EYA1: variants seen among roughly 807,000 people sequenced by gnomAD.
EYA1 encodes EYA transcriptional coactivator and phosphatase 1.
A neutral mutation model predicts 82.0 loss-of-function variants in EYA1; 16 were observed. That is an observed-to-expected ratio of 0.20 (90% CI 0.13 to 0.30). EYA1 has a LOEUF of 0.30. Ranked by LOEUF, EYA1 falls within the 10% of genes least tolerant of loss-of-function variation. EYA1 has a pLI of 1.00. For synonymous variants in EYA1, 261 were observed against 264.4 expected (o/e 0.99, Z 0.12); for missense variants, 633 against 730.7 (o/e 0.87, Z 1.54).
At chr8:71,331,245 T>TACACACACACAC (rs147776263) in intron 4 of EYA1, among the ~76,000 whole-genome samples, 1 of 136,470 alleles carries the variant, frequency 7.3e-6, no homozygotes, top group African/African-American at 2.8e-5. Flanking sequence ...AATAAATAAA[T>TACACACACACAC]ACACACACAC....
At chr8:71,225,340 T>C (rs1426279658) in intron 12 of EYA1, 1 of 456,110 alleles carries the variant, frequency 2.2e-6, no homozygotes, top group Non-Finnish European at 4.4e-6. Flanking sequence ...TTGTAGCCTC[T>C]CCACACTGGC....
chr8:71,453,532 T>G (rs1807586207), intron 2 of EYA1, among the ~76,000 whole-genome samples: 1 of 152,182 alleles, frequency 6.6e-6, no homozygotes, highest in African/African-American at 2.4e-5. Context: ...AAGGTAGGAT[T>G]ACCCACGAAG....
intron 2 of EYA1, among the ~76,000 whole-genome samples, chr8:71,371,069 T>A (rs565044022): frequency 1.1e-4 from 17 of 152,130 alleles, no homozygotes; most frequent in African/African-American, 3.9e-4. Context: ...ACTCCTCCCA[T>A]CCCCAACATT....
intron 2 of EYA1, among the ~76,000 whole-genome samples, chr8:71,390,216 A>C (rs554340321): frequency 6.6e-6 from 1 of 151,842 alleles, no homozygotes; most frequent in African/African-American, 2.4e-5. Context: ...AATTCTCTTA[A>C]AGCTTTGGAA....
At position 71,321,867 on chromosome 8, in the gene EYA1, T is replaced by C; in HGVS notation, c.285A>G (p.Pro95=). 6.2e-7 allele frequency: 1 copy of C among 1,614,234 alleles called. No individual in the cohort carries two copies. The change falls in exon 6 of 18, where the codon CCA becomes CCG. Residue 95 remains proline (P), a synonymous_variant. Transcript: ENST00000340726. ...GTGAGGAAGGGGTAGGGAGAATATG[T>C]GGGTATGGTCTGCTATTTGTCAGAA... The part of the protein sequence containing the change: ...PQIYPSNRPY[P]HILPTPSSQT...
chr8:71,470,461 G>A (rs1333451884), intron 2 of EYA1, among the ~76,000 whole-genome samples: 1 of 152,014 alleles, frequency 6.6e-6, no homozygotes, highest in Non-Finnish European at 1.5e-5. Context: ...AAGAACCTGA[G>A]TTTCTTTTTC....
intron 2 of EYA1, among the ~76,000 whole-genome samples, chr8:71,497,807 C>T (rs1772851375): frequency 6.6e-6 from 1 of 152,122 alleles, no homozygotes; most frequent in Admixed American, 6.5e-5. Context: ...GTTATAAAAT[C>T]AACCTTAAAG....
At chr8:71,362,155 CTTTTTTT>C (rs35320129), upstream of EYA1, 58 of 824,596 alleles carry the variant, frequency 7.0e-5, no homozygotes, top group South Asian at 2.4e-4. Flanking sequence ...TCGGGGCTTT[CTTTTTTT>C]TTTTTTTTTT....
At chr8:71,287,001 C>T (rs921780110) in intron 9 of EYA1, among the ~76,000 whole-genome samples, 1 of 151,914 alleles carries the variant, frequency 6.6e-6, no homozygotes, top group Non-Finnish European at 1.5e-5. Flanking sequence ...AGGGTTTCAT[C>T]ATCTTGGCCA....
intron 11 of EYA1, among the ~76,000 whole-genome samples, chr8:71,252,925 C>A (rs1813923401): frequency 6.6e-6 from 1 of 152,088 alleles, no homozygotes; most frequent in African/African-American, 2.4e-5. Flanking sequence ...TAACAAATGA[C>A]TGGGGGGAAT....
chr8:71,416,953 G>A (rs1443095510), intron 2 of EYA1, among the ~76,000 whole-genome samples: 2 of 152,156 alleles, frequency 1.3e-5, no homozygotes, highest in African/African-American at 2.4e-5. Context: ...ACTGGGAAAG[G>A]CAGACCCACC....
chr8:71,233,387 A>AC lies in EYA1; in HGVS notation c.1140+11215dup, dbSNP rs1811445992. The stretch of plus-strand genomic sequence containing the variant: ...AGACCATCCTGGCTAACACAGTGAA[A>AC]CCCCGTCTCTACTAAAAACACAAAA... On this transcript the variant is annotated intron_variant, in intron 12 of 17. Coordinates refer to ENST00000340726, the MANE Select transcript of EYA1 (RefSeq NM_000503.6). 2.6e-5 allele frequency among the ~76,000 whole-genome samples: 4 copies of AC among 152,086 alleles called. No individual in the cohort carries two copies. In the South Asian group the frequency reaches 6.2e-4, roughly 24 times the overall value.
chr8:71,379,263 C>T (rs1395460144), intron 2 of EYA1, among the ~76,000 whole-genome samples: 1 of 152,112 alleles, frequency 6.6e-6, no homozygotes, highest in African/African-American at 2.4e-5. Flanking sequence ...CCTGTACATA[C>T]TCCTACCCAG....
intron 11 of EYA1, among the ~76,000 whole-genome samples, chr8:71,266,378 A>G (rs926716294): frequency 6.6e-6 from 1 of 152,150 alleles, no homozygotes; most frequent in Non-Finnish European, 1.5e-5. Flanking sequence ...TATTGTTTGG[A>G]AGAATCCTTG....
chr8:71,340,387 C>T (rs1824983467), intron 3 of EYA1, among the ~76,000 whole-genome samples: 1 of 152,136 alleles, frequency 6.6e-6, no homozygotes, highest in African/African-American at 2.4e-5. Context: ...CTGTGTGGCA[C>T]TATTATCCCC....
At chr8:71,246,260 G>A (rs1279335755) in intron 11 of EYA1, among the ~76,000 whole-genome samples, 1 of 152,140 alleles carries the variant, frequency 6.6e-6, no homozygotes, top group Non-Finnish European at 1.5e-5. Flanking sequence ...GCAAACCTTT[G>A]GAATAAGTAT....
chr8:71,215,627 G>A lies in EYA1; in HGVS notation c.1462C>T (p.Leu488Phe), dbSNP rs1809092442. 1 of 1,614,048 alleles carries A rather than the reference G, an allele frequency of 6.2e-7. No homozygotes were observed. Among genetic ancestry groups the A allele is most frequent in the Non-Finnish European group, 8.5e-7 (1 of 1,179,912 alleles). ...AGAGAGCCTCACCGGGAGTGAATGA[G>A]CGAGAGTGCTTTCAGGGCCAGTGTC... ...WLTLALKALSLIHSRTNCVNI... is the reference protein window; with the variant it reads ...WLTLALKALSFIHSRTNCVNI... Residue 488 changes from leucine to phenylalanine, a missense_variant, in exon 15 of 18, where the codon CTC becomes TTC. Transcript: ENST00000340726.
chr8:71,506,261 A>G lies in EYA1; in HGVS notation c.33+29483T>C, dbSNP rs190721648. Reference sequence around the variant, plus strand: ...CACTATGATGAGAAATGTCAAAGGCATATCCAGAGCAAAAGTATTTAGAAA... The same window carrying G: ...CACTATGATGAGAAATGTCAAAGGCGTATCCAGAGCAAAAGTATTTAGAAA... On this transcript the variant is annotated intron_variant, in intron 2 of 18. Coordinates refer to the EYA1 transcript ENST00000643681. Among the ~76,000 whole-genome samples the G allele has an allele frequency of 2.7e-3, 417 of 152,370 alleles. 1 individual carries two copies. The highest frequency in any genetic ancestry group is 3.9e-3 in the Non-Finnish European group (267 of 68,034).
At chr8:71,344,881 A>G (rs1825541236) in intron 3 of EYA1, among the ~76,000 whole-genome samples, 1 of 152,208 alleles carries the variant, frequency 6.6e-6, no homozygotes, top group African/African-American at 2.4e-5. Context: ...AATCTACTAA[A>G]TGTACATCTC....
Sources: gnomAD v4.1 joint callset for allele counts (sites outside exome capture counted in the v4.1 genomes callset) on GRCh38, gnomAD v4.1.1 for gene constraint, MANE v1.5 for transcripts, NCBI Gene and HGNC (gene_info 2026-07-23, HGNC 2026-07-21) for gene names.